Variants in CSMD1 observed in about 807,000 individuals in gnomAD.
CSMD1 encodes CUB and sushi domain-containing protein 1.
In CSMD1, 213 loss-of-function variants were observed where a neutral mutation model predicts 417.5. The observed-to-expected ratio is 0.51, with a 90% CI of 0.46 to 0.57. CSMD1 has a LOEUF of 0.57. CSMD1 is among the 20% of genes least tolerant of loss of function. The pLI is 0.00. For synonymous variants in CSMD1, 2,862 were observed against 1,736.8 expected (o/e 1.65, Z -16.11); for missense variants, 6,923 against 4,529.7 (o/e 1.53, Z -15.17).
intron 3 of CSMD1, among the ~76,000 whole-genome samples, chr8:4,372,753 A>T (rs978119310): frequency 4.6e-5 from 7 of 152,210 alleles, no homozygotes; most frequent in African/African-American, 1.7e-4. Context: ...AAAGAAAAAA[A>T]AAAAGTAGCA....
At chr8:4,530,540 C>T (rs200887638) in intron 2 of CSMD1, among the ~76,000 whole-genome samples, 1 of 150,918 alleles carries the variant, frequency 6.6e-6, no homozygotes, top group Non-Finnish European at 1.5e-5. Context: ...TTCCCCTCCC[C>T]GTGCCCATAT....
chr8:4,946,212 T>C (rs1159504199), intron 1 of CSMD1, among the ~76,000 whole-genome samples: 1 of 152,352 alleles, frequency 6.6e-6, no homozygotes, highest in South Asian at 2.1e-4. Context: ...ACTTAATTTA[T>C]GGATCTAAAT....
At chr8:3,375,980 C>T (rs1458673447) in intron 18 of CSMD1, among the ~76,000 whole-genome samples, 1 of 152,126 alleles carries the variant, frequency 6.6e-6, no homozygotes, top group African/African-American at 2.4e-5. Flanking sequence ...TTTCGATATC[C>T]CAAATTGGAA....
At chr8:4,053,636 G>A (rs111806005) in intron 3 of CSMD1, among the ~76,000 whole-genome samples, 4 of 151,936 alleles carry the variant, frequency 2.6e-5, no homozygotes, top group African/African-American at 9.7e-5. Context: ...CATTTGTCTT[G>A]CATAGAGTGT....
At position 3,343,382 on chromosome 8, in the gene CSMD1, C is replaced by A. The variant is rs1341958896; in HGVS notation, c.3543G>T (p.Leu1181=). Residue 1181 remains leucine, a synonymous_variant, in exon 23 of 70, where the codon CTG becomes CTT. Transcript: ENST00000635120. ...GTFTKNELLG[L]ILNSTSNHLW... ...GGTGATTGGATGTGCTGTTTAGGAT[C>A]AGCCCCAGAAGTTCATTTTTAGTGA... 1 of 1,613,788 alleles carries A rather than the reference C, an allele frequency of 6.2e-7. No homozygotes were observed. The highest frequency in any genetic ancestry group is 8.5e-7 in the Non-Finnish European group (1 of 1,179,746).
intron 52 of CSMD1, among the ~76,000 whole-genome samples, chr8:3,003,018 TTCC>T (rs1807550103): frequency 6.6e-6 from 1 of 152,236 alleles, no homozygotes; most frequent in Admixed American, 6.5e-5. Flanking sequence ...TCATTGTGGC[TTCC>T]TATTTTGAAA....
At chr8:3,998,459 C>T (rs1438952680) in intron 4 of CSMD1, among the ~76,000 whole-genome samples, 1 of 152,182 alleles carries the variant, frequency 6.6e-6, no homozygotes, top group Non-Finnish European at 1.5e-5. Flanking sequence ...ACTATGTAAG[C>T]AACATTTTGA....
intron 3 of CSMD1, among the ~76,000 whole-genome samples, chr8:4,086,144 G>A (rs1800407294): frequency 6.6e-6 from 1 of 152,032 alleles, no homozygotes; most frequent in African/African-American, 2.4e-5. Context: ...CATTTAAGTT[G>A]CAATTTTTTT....
chr8:4,160,270 G>C (rs1447537346), intron 3 of CSMD1, among the ~76,000 whole-genome samples: 2 of 152,100 alleles, frequency 1.3e-5, no homozygotes, highest in African/African-American at 4.8e-5. Context: ...AAAACATTCT[G>C]ATTCTTGGAA....
intron 68 of CSMD1, among the ~76,000 whole-genome samples, chr8:2,947,583 G>C (rs75771479): frequency 2.0e-5 from 3 of 152,142 alleles, no homozygotes; most frequent in African/African-American, 4.8e-5. Flanking sequence ...CAAAGAAAAC[G>C]TGTAATAGCA....
intron 54 of CSMD1, among the ~76,000 whole-genome samples, chr8:2,989,982 T>C (rs890949128): frequency 9.9e-5 from 15 of 152,166 alleles, no homozygotes; most frequent in African/African-American, 2.2e-4. Context: ...AAATGTGGCA[T>C]TGCATGGCCT....
At chr8:3,295,730 T>C (rs529171648) in intron 25 of CSMD1, among the ~76,000 whole-genome samples, 2 of 152,162 alleles carry the variant, frequency 1.3e-5, no homozygotes, top group African/African-American at 4.8e-5. Flanking sequence ...TAGGAATACC[T>C]GATTACCGTC....
At chr8:4,753,840 T>A (rs1585046071) in intron 1 of CSMD1, among the ~76,000 whole-genome samples, 1 of 152,332 alleles carries the variant, frequency 6.6e-6, no homozygotes, top group East Asian at 1.9e-4. Flanking sequence ...TATTTCGCAC[T>A]GTGATAATTG....
At chr8:4,117,994 T>C (rs4496982) in intron 3 of CSMD1, among the ~76,000 whole-genome samples, 147,753 of 149,428 alleles carry the variant, frequency 0.99, 73,074 homozygotes, top group East Asian at 1. Flanking sequence ...AGCAGGCACA[T>C]GAGAAATGAC....
At chr8:4,306,128 T>G (rs1798229847) in intron 3 of CSMD1, among the ~76,000 whole-genome samples, 1 of 152,240 alleles carries the variant, frequency 6.6e-6, no homozygotes, top group Admixed American at 6.5e-5. Flanking sequence ...TGGTAATGAA[T>G]AGTCTGTGTA....
intron 2 of CSMD1, among the ~76,000 whole-genome samples, chr8:4,499,743 T>C (rs537516248): frequency 6.6e-6 from 1 of 152,262 alleles, no homozygotes; most frequent in East Asian, 1.9e-4. Context: ...ACAAGAATAT[T>C]AGAAAAATAA....
rs552046276 is a variant in CSMD1, at chr8:3,089,819, A to G, written c.7285+1697T>C. Among the ~76,000 whole-genome samples, 30 of 152,316 alleles carry G rather than the reference A, an allele frequency of 2.0e-4. No homozygotes were observed. In the South Asian group the frequency reaches 5.8e-3, roughly 29 times the overall value. ...CTTCTTCTCCCAATACAGTTTAACAATGAGGCTCTCCTTGTGGTATGACAA... is the reference window on the plus strand; with the variant it reads ...CTTCTTCTCCCAATACAGTTTAACAGTGAGGCTCTCCTTGTGGTATGACAA... On this transcript the variant is annotated intron_variant, in intron 48 of 69. Coordinates refer to ENST00000635120, the MANE Select transcript of CSMD1 (RefSeq NM_033225.6).
intron 3 of CSMD1, among the ~76,000 whole-genome samples, chr8:4,170,313 T>C (rs559673796): frequency 6.6e-5 from 10 of 152,036 alleles, no homozygotes; most frequent in South Asian, 4.1e-4. Flanking sequence ...CTCAATGATA[T>C]AAAAAGTAAC....
chr8:3,215,873 A>G lies in CSMD1; in HGVS notation c.4673-1182T>C, dbSNP rs1027295651. Among the ~76,000 whole-genome samples the G allele has an allele frequency of 4.6e-5, 7 of 151,934 alleles. 1 individual carries two copies. The highest frequency in any genetic ancestry group is 4.6e-4 in the Admixed American group (7 of 15,232). On this transcript the variant is annotated intron_variant, in intron 29 of 69. Coordinates refer to ENST00000635120, the MANE Select transcript of CSMD1 (RefSeq NM_033225.6). ...AGACCTGATTAACTGTATTTATTCA[A>G]TATTTTCAATTATATTTTTAATAAT...
Sources: allele counts gnomAD v4.1 joint callset (sites outside exome capture counted in the v4.1 genomes callset), GRCh38; gene constraint gnomAD v4.1.1; transcripts MANE v1.5; gene names NCBI Gene and HGNC (gene_info 2026-07-23, HGNC 2026-07-21).